OTOF: variants seen among roughly 807,000 people sequenced by gnomAD.
OTOF encodes fer-1-like family member 2.
A neutral mutation model predicts 236.8 loss-of-function variants in OTOF; 218 were observed. The observed-to-expected ratio is 0.92, with a 90% CI of 0.82 to 1.03. The LOEUF (loss-of-function observed/expected upper bound fraction) is 1.03, where lower values mean the gene tolerates loss of function less well. Ranked by LOEUF, OTOF falls within the 50% of genes least tolerant of loss-of-function variation. The probability of loss-of-function intolerance (pLI) is 0.00; values close to 1 mark genes in which losing one functional copy is unlikely to be tolerated. For missense variants in OTOF, 2,590 were observed against 2,694.4 expected, an observed-to-expected ratio of 0.96 and a Z score of 0.86; for synonymous variants, 1,041 against 1,072.5, an observed-to-expected ratio of 0.97 and a Z score of 0.57.
intron 1 of OTOF, among the ~76,000 whole-genome samples, chr2:26,550,135 G>A (rs1190296437): frequency 2.6e-5 from 4 of 151,346 alleles, no homozygotes; most frequent in African/African-American, 4.8e-5. Context: ...GTGAAAACTC[G>A]TCTCCACCTC....
chr2:26,460,324 C>G lies in OTOF; in HGVS notation c.5814-119G>C, dbSNP rs1002291147. On this transcript the variant is annotated intron_variant, in intron 45 of 46. Coordinates refer to ENST00000272371, the MANE Select transcript of OTOF (RefSeq NM_194248.3). This position sits in a 1 kb window ranked among gnomAD's most constrained non-coding sequence, Gnocchi z 5.3. ...GGGCTGTGTGTGCAGTTCTAGGCAC[C>G]CCTCTGGCCATCAAGGCTGGCCATG... 2.4e-6 allele frequency: 2 copies of G among 846,590 alleles called. No homozygotes were observed. Among genetic ancestry groups the G allele is most frequent in the Non-Finnish European group, 3.8e-6 (2 of 521,674 alleles). The allele number at this position is 846,590 out of a possible 1,614,324, so 52.4% of individuals were successfully genotyped here.
Position 26,475,463 on chromosome 2 carries a change from C to T in OTOF, c.3022G>A (p.Asp1008Asn). Reference protein sequence around the residue: ...VLNETLCPTWDQMLVFDNLEL... With the variant: ...VLNETLCPTWNQMLVFDNLEL... ...AGGTTGTCGAACACCAGCATCTGGTCCCAGGTGGGACACAGGGTCTCATTC... is the reference window on the plus strand; with the variant it reads ...AGGTTGTCGAACACCAGCATCTGGTTCCAGGTGGGACACAGGGTCTCATTC... The change falls in exon 25 of 47, where the codon GAC becomes AAC. Residue 1008 changes from aspartate to asparagine, a missense_variant. This residue lies in a region of OTOF where 1,211 missense variants were observed against 1,352.8 expected (regional missense o/e 0.90). Coordinates refer to ENST00000272371, the MANE Select transcript of OTOF (RefSeq NM_194248.3). 3.7e-6 allele frequency: 6 copies of T among 1,613,058 alleles called. No individual in the cohort carries two copies. Among genetic ancestry groups the T allele is most frequent in the Non-Finnish European group, 5.1e-6 (6 of 1,179,912 alleles).
In OTOF at chr2:26,477,482, C is replaced by A; in HGVS notation, c.2340G>T (p.Lys780Asn). Residue 780 changes from lysine (K) to asparagine (N), a missense_variant, in exon 20 of 47, where the codon AAG (lysine) becomes AAT (asparagine). This residue lies in a region of OTOF where 1,379 missense variants were observed against 1,341.6 expected (regional missense o/e 1.03). Transcript: ENST00000272371. This position sits in a 1 kb window ranked among gnomAD's most constrained non-coding sequence, Gnocchi z 4.7. ...GCCRFLSLAD[K>N]DQGHSSRTRL... ...TGGTGCGGGATGAGTGGCCCTGGTC[C>A]TTGTCAGCGAGGGAGAGGAAGCGGC... 1 of 1,603,658 alleles carries A rather than the reference C, an allele frequency of 6.2e-7. No homozygotes were observed.
At chr2:26,516,105 C>A in intron 5 of OTOF, among the ~76,000 whole-genome samples, 1 of 152,214 alleles carries the variant, frequency 6.6e-6, no homozygotes, top group Non-Finnish European at 1.5e-5. Context: ...ATCCCCAACT[C>A]CCCTTCTCTG....
In OTOF at chr2:26,501,757, G is replaced by A. The variant is rs1666120526; in HGVS notation, c.762C>T (p.Tyr254=). The change falls in exon 8 of 47, where the codon TAC becomes TAT. Residue 254 remains tyrosine (Y), a synonymous_variant. Coordinates refer to ENST00000272371, the MANE Select transcript of OTOF (RefSeq NM_194248.3). ...MEPSAGRPMD[Y]QVSITVIEAR... is the part of the protein sequence containing the mutation. ...AGGCCTCCAGGTGCCCACCTACCTG[G>A]TAATCCATGGGCCGCCCAGCACTTG... 1 of 1,612,244 alleles carries A rather than the reference G, an allele frequency of 6.2e-7. No individual in the cohort carries two copies. Among genetic ancestry groups the A allele is most frequent in the Non-Finnish European group, 8.5e-7 (1 of 1,178,290 alleles).
Position 26,483,616 on chromosome 2 carries a change from T to G in OTOF, c.1238A>C (p.Glu413Ala), listed in dbSNP as rs1434648973. Residue 413 changes from glutamate (E) to alanine (A), a missense_variant, in exon 13 of 47, where the codon GAA (glutamate) becomes GCA (alanine). By Grantham distance (107) the Glu-to-Ala change is moderately radical. Coordinates refer to ENST00000272371, the MANE Select transcript of OTOF (RefSeq NM_194248.3). ...CACATAGAACCGGGCCCACTGGCGT[T>G]CGGGGGGCACCCCCTCGGGGAGCAG... is the stretch of plus-strand genomic sequence containing the variant. ...NLLLPEGVPP[E>A]RQWARFYVKI... 6.2e-7 allele frequency: 1 copy of G among 1,612,990 alleles called. No individual in the cohort carries two copies. The highest frequency in any genetic ancestry group is 8.5e-7 in the Non-Finnish European group (1 of 1,179,970).
In OTOF at chr2:26,470,567, T is replaced by C; in HGVS notation, c.4023+26A>G. 1 of 1,610,290 alleles carries C rather than the reference T, an allele frequency of 6.2e-7. No individual in the cohort carries two copies. On this transcript the variant is annotated intron_variant, in intron 32 of 46. Transcript: ENST00000272371. The surrounding 1 kb of genome is among the most constrained non-coding windows in gnomAD (Gnocchi z 4.3). ...GGGTCTGAGTGTGGAGGGGGTCACC[T>C]CCCCTCACCCTACCCGAGGTCTCAC...
chr2:26,488,552 C>G (rs774889969), intron 11 of OTOF, among the ~76,000 whole-genome samples: 21 of 152,260 alleles, frequency 1.4e-4, no homozygotes, highest in Non-Finnish European at 3.1e-4. Flanking sequence ...TGCCCAAAAG[C>G]CTGGGGCTCT....
intron 4 of OTOF, among the ~76,000 whole-genome samples, chr2:26,518,554 C>T (rs928996140): frequency 1.3e-5 from 2 of 152,262 alleles, no homozygotes; most frequent in Non-Finnish European, 2.9e-5. Context: ...GACTGTGCAT[C>T]ACTAGTGCAC....
Position 26,460,091 on chromosome 2 carries a change from G to A in OTOF, c.5928C>T (p.Leu1976=), listed in dbSNP as rs774666407. The change falls in exon 46 of 47, where the codon CTC becomes CTT. Residue 1976 remains leucine, a synonymous_variant. Transcript: ENST00000272371. The surrounding 1 kb of genome is among the most constrained non-coding windows in gnomAD (Gnocchi z 5.3). Reference sequence around the variant, plus strand: ...AGTAGAGGAACAGGGCGAGGAGGAGGAGCAGCAGCAGGAGCAGCAACAGTT... The same window carrying A: ...AGTAGAGGAACAGGGCGAGGAGGAGAAGCAGCAGCAGGAGCAGCAACAGTT... ...LLKLLLLLLL[L]LLLALFLYSV... The A allele has an allele frequency of 6.3e-7, 1 of 1,580,372 alleles. No individual in the cohort carries two copies. The highest frequency in any genetic ancestry group is 1.2e-5 in the South Asian group (1 of 86,388).
Position 26,470,640 on chromosome 2 carries a change from G to A in OTOF, c.3976C>T (p.Leu1326=). 3 of 1,614,118 alleles carry A rather than the reference G, an allele frequency of 1.9e-6. No individual in the cohort carries two copies. Among genetic ancestry groups the A allele is most frequent in the Non-Finnish European group, 1.7e-6 (2 of 1,180,024 alleles). The part of the protein sequence containing the change: ...PEEEEPDESM[L]DWWSKYFASI... ...GCAAAGTACTTGGACCACCAGTCCA[G>A]CATGCTCTCGTCTGGCTCCTCCTCC... Residue 1326 remains leucine (L), a synonymous_variant, in exon 32 of 47, where the codon CTG becomes TTG. Transcript: ENST00000272371. This position sits in a 1 kb window ranked among gnomAD's most constrained non-coding sequence, Gnocchi z 4.3.
In OTOF at chr2:26,477,414, A is replaced by G; in HGVS notation, c.2406+2T>C. 2 of 1,582,974 alleles carry G rather than the reference A, an allele frequency of 1.3e-6. No individual in the cohort carries two copies. Among genetic ancestry groups the G allele is most frequent in the Non-Finnish European group, 1.7e-6 (2 of 1,164,966 alleles). ...GCCCCCGCCGTCCAGTTGCGTCCTC[A>G]CCAGCTCCCTCATGCAGGACTTGAG... On this transcript the variant is annotated splice_donor_variant, in intron 20 of 46. Transcript: ENST00000272371. LOFTEE classifies it high-confidence loss of function. The surrounding 1 kb of genome is among the most constrained non-coding windows in gnomAD (Gnocchi z 4.7).
At position 26,467,500 on chromosome 2, in the gene OTOF, G is replaced by C. The variant is rs779854387; in HGVS notation, c.4092C>G (p.Gly1364=). The part of the protein sequence containing the change: ...EEKEEVDNTE[G]LKGSMKGKEK... ...CCTTGCCCTTCATTGACCCCTTCAG[G>C]CCTGGCCAGAAGCAGAAAAGGAGGT... is the stretch of plus-strand genomic sequence containing the variant. The change falls in exon 34 of 47, where the codon GGC becomes GGG. Residue 1364 remains glycine (G), a splice_region_variant and synonymous_variant. Coordinates refer to ENST00000272371, the MANE Select transcript of OTOF (RefSeq NM_194248.3). The C allele has an allele frequency of 5.8e-5, 94 of 1,613,534 alleles. No individual in the cohort carries two copies. The highest frequency in any genetic ancestry group is 7.2e-5 in the Non-Finnish European group (85 of 1,179,882).
intron 35 of OTOF, 68 bp downstream of exon 35, chr2:26,467,031 G>T: frequency 6.3e-7 from 1 of 1,588,298 alleles, no homozygotes; most frequent in Non-Finnish European, 8.5e-7. Context: ...TGGGAGGTGA[G>T]TGGGGGAACC....
chr2:26,511,745 A>C (rs1666396676), intron 5 of OTOF, among the ~76,000 whole-genome samples: 1 of 152,216 alleles, frequency 6.6e-6, no homozygotes, highest in South Asian at 2.1e-4. Flanking sequence ...ATGTGTCTCA[A>C]GCACAAAATC....
chr2:26,553,283 TCTC>T (rs568437351), intron 1 of OTOF, among the ~76,000 whole-genome samples: 18 of 152,236 alleles, frequency 1.2e-4, no homozygotes, highest in African/African-American at 4.1e-4. Flanking sequence ...TGGCTGCAAT[TCTC>T]CTCCTCTGGC....
rs1666360841 is a variant in OTOF at position 26,510,623 on chromosome 2, TC to T, written c.509+5794del. ...TCCTGAGCCCTCTCAGCCGAGCCCA[TC>T]CCGCCCTCCACAGCCTGTGGGGAGG... On this transcript the variant is annotated intron_variant, in intron 5 of 46. Transcript: ENST00000272371. The T allele has an allele frequency of 2.6e-5, 24 of 931,288 alleles. 1 individual carries two copies. The South Asian group carries it at 2.9e-4, about 11-fold the overall frequency. 57.7% of individuals were successfully genotyped at this position (931,288 alleles called of 1,614,324 possible). A position where few individuals can be genotyped will look rare whatever the true frequency, so the allele number is the denominator to read the frequency against.
rs58155484 is a variant in OTOF, at chr2:26,465,454, C to T, written c.4799+218G>A. 0.03 allele frequency among the ~76,000 whole-genome samples: 4,500 copies of T among 152,338 alleles called. 84 individuals carry two copies. The highest frequency in any genetic ancestry group is 0.057 in the African/African-American group (2,372 of 41,570). ...CCTAGCCCACTTGTCTCTCCTCGTC[C>T]TGCCTCCTCTGTCCTGGAATCCACT... is the stretch of plus-strand genomic sequence containing the variant. On this transcript the variant is annotated intron_variant, in intron 38 of 46. Transcript: ENST00000272371.
intron 1 of OTOF, among the ~76,000 whole-genome samples, chr2:26,554,022 T>G (rs1667526640): frequency 6.6e-6 from 1 of 151,886 alleles, no homozygotes; most frequent in Middle Eastern, 3.2e-3. Context: ...AATACAAAAA[T>G]TAGTCGGGCA....
Sources: allele counts gnomAD v4.1 joint callset (sites outside exome capture counted in the v4.1 genomes callset), GRCh38; gene constraint gnomAD v4.1.1; regional missense constraint gnomAD v4.1.1; non-coding constraint Gnocchi (gnomAD v3.1); transcripts MANE v1.5; gene names NCBI Gene and HGNC (gene_info 2026-07-23, HGNC 2026-07-21).